DNER: variants seen among roughly 807,000 people sequenced by gnomAD.
DNER encodes the protein delta/notch like EGF repeat containing, also known as delta and Notch-like epidermal growth factor-related receptor.
Under a neutral mutation model 78.2 loss-of-function variants are expected in DNER, and 33 were observed. The ratio of observed to expected loss-of-function variants is 0.42; its 90% CI spans 0.32 to 0.56. DNER has a LOEUF of 0.56. Among genes scored for constraint, DNER ranks in the 20% least tolerant of loss-of-function variants. The pLI, the probability that DNER is intolerant of heterozygous loss-of-function variation, is 0.11. For synonymous variants in DNER, 417 were observed against 384.8 expected, an observed-to-expected ratio of 1.08 and a Z score of -0.98; for missense variants, 918 against 975.3, an observed-to-expected ratio of 0.94 and a Z score of 0.78.
In DNER at chr2:229,508,665, A is replaced by G. The variant is rs192135680; in HGVS notation, c.1147+4118T>C. Among the ~76,000 whole-genome samples, 1,087 of 152,226 alleles carry G rather than the reference A, an allele frequency of 7.1e-3. 17 individuals carry two copies. Among genetic ancestry groups the G allele is most frequent in the African/African-American group, 0.025 (1,039 of 41,526 alleles). On this transcript the variant is annotated intron_variant, in intron 6 of 12. Coordinates refer to ENST00000341772, the MANE Select transcript of DNER (RefSeq NM_139072.4). ...GGGAGGCCGAGACGGGCAGATCACG[A>G]GGTCAGGAGATCGAGACCATCCTGG...
At chr2:229,593,716 AG>A (rs922131930) in intron 1 of DNER, among the ~76,000 whole-genome samples, 22 of 152,220 alleles carry the variant, frequency 1.4e-4, no homozygotes, top group African/African-American at 4.8e-4. Context: ...ATTTATTTTT[AG>A]GAAGGCCTTG....
chr2:229,625,822 G>C (rs957822402), intron 1 of DNER, among the ~76,000 whole-genome samples: 1 of 152,184 alleles, frequency 6.6e-6, no homozygotes, highest in Non-Finnish European at 1.5e-5. Context: ...GGCTAGACTG[G>C]AGGGAGAGTT....
intron 1 of DNER, among the ~76,000 whole-genome samples, chr2:229,648,563 A>C (rs1475399732): frequency 6.6e-6 from 1 of 152,160 alleles, no homozygotes; most frequent in Non-Finnish European, 1.5e-5. Flanking sequence ...TAGCTACTGC[A>C]TTTCTCCTTT....
intron 5 of DNER, among the ~76,000 whole-genome samples, chr2:229,524,843 G>A (rs1215403874): frequency 6.6e-6 from 1 of 152,184 alleles, no homozygotes; most frequent in Non-Finnish European, 1.5e-5. Flanking sequence ...TCTGGGCCAG[G>A]CCGAGGTCAA....
intron 1 of DNER, among the ~76,000 whole-genome samples, chr2:229,656,029 C>CCA (rs1698905948): frequency 6.6e-6 from 1 of 152,072 alleles, no homozygotes; most frequent in African/African-American, 2.4e-5. Flanking sequence ...CTGGCCCCAC[C>CCA]CACACCTTGA....
intron 4 of DNER, among the ~76,000 whole-genome samples, chr2:229,556,139 A>G (rs2154213483): frequency 6.6e-6 from 1 of 152,336 alleles, no homozygotes; most frequent in South Asian, 2.1e-4. Flanking sequence ...ATGTGTAGTT[A>G]AAAATATACA....
chr2:229,632,349 C>T (rs536296464), intron 1 of DNER, among the ~76,000 whole-genome samples: 1 of 152,250 alleles, frequency 6.6e-6, no homozygotes, highest in African/African-American at 2.4e-5. Context: ...TAAATAAACA[C>T]TAACTATAAT....
intron 5 of DNER, among the ~76,000 whole-genome samples, chr2:229,534,120 G>T (rs1021026820): frequency 2.6e-5 from 4 of 152,114 alleles, no homozygotes; most frequent in South Asian, 2.1e-4. Flanking sequence ...CCAATAGATT[G>T]TAATGAAACA....
chr2:229,627,450 G>A lies in DNER; in HGVS notation c.277-35562C>T, dbSNP rs140443751. Among the ~76,000 whole-genome samples, 34 of 152,210 alleles carry A rather than the reference G, an allele frequency of 2.2e-4. No individual in the cohort carries two copies. The East Asian group carries it at 6.5e-3, about 29-fold the overall frequency. ...ATTTTTATAAAAGCTTAACCACTTGGTACCCAACCTTTCTAGACTTCTGGT... is the reference window on the plus strand; with the variant it reads ...ATTTTTATAAAAGCTTAACCACTTGATACCCAACCTTTCTAGACTTCTGGT... On this transcript the variant is annotated intron_variant, in intron 1 of 12. Coordinates refer to ENST00000341772, the MANE Select transcript of DNER (RefSeq NM_139072.4).
At chr2:229,650,085 A>AT (rs1698788206) in intron 1 of DNER, among the ~76,000 whole-genome samples, 1 of 151,744 alleles carries the variant, frequency 6.6e-6, no homozygotes, top group South Asian at 2.1e-4. Context: ...AAAAAAAAAA[A>AT]AAAAAAAGAA....
rs1325796084 is a variant in DNER at position 229,366,911 on chromosome 2, G to A, written c.2064C>T (p.Ser688=). ...TGGATGCAATGGCATTGCTGAACTCGCTGTCGATGCTGCGGCAGTTGTAGA... is the reference window on the plus strand; with the variant it reads ...TGGATGCAATGGCATTGCTGAACTCACTGTCGATGCTGCGGCAGTTGTAGA... The part of the protein sequence containing the change: ...EEFYNCRSID[S]EFSNAIASIR... The change falls in exon 12 of 13, where the codon AGC becomes AGT. Residue 688 remains serine (S), a synonymous_variant. Coordinates refer to ENST00000341772, the MANE Select transcript of DNER (RefSeq NM_139072.4). The A allele has an allele frequency of 1.9e-6, 3 of 1,614,158 alleles. No individual in the cohort carries two copies. The highest frequency in any genetic ancestry group is 1.7e-5 in the Admixed American group (1 of 60,010).
At chr2:229,436,218 G>T (rs559842092) in intron 8 of DNER, among the ~76,000 whole-genome samples, 1 of 152,236 alleles carries the variant, frequency 6.6e-6, no homozygotes, top group Non-Finnish European at 1.5e-5. Context: ...TTCTGTTTCT[G>T]TATTAGTTTG....
intron 1 of DNER, among the ~76,000 whole-genome samples, chr2:229,603,761 C>T (rs957632851): frequency 7.0e-6 from 1 of 143,270 alleles, no homozygotes; most frequent in Non-Finnish European, 1.5e-5. Context: ...CTGTGCTTTG[C>T]AAGTTTGTGC....
At chr2:229,393,541 A>G (rs1425661273) in intron 10 of DNER, among the ~76,000 whole-genome samples, 3 of 151,716 alleles carry the variant, frequency 2.0e-5, no homozygotes, top group Non-Finnish European at 4.4e-5. Flanking sequence ...AGAAAGAAAA[A>G]AGACTTTTTA....
At chr2:229,484,400 C>G (rs190748814) in intron 6 of DNER, among the ~76,000 whole-genome samples, 3 of 152,334 alleles carry the variant, frequency 2.0e-5, no homozygotes, top group Admixed American at 2.0e-4. Flanking sequence ...CCCTTCCTTT[C>G]TAGGCAGACT....
chr2:229,502,637 C>A (rs1553536018), intron 6 of DNER, among the ~76,000 whole-genome samples: 2 of 151,946 alleles, frequency 1.3e-5, no homozygotes, highest in Non-Finnish European at 2.9e-5. Context: ...ATAACAAAAA[C>A]AAAAAACAAG....
At chr2:229,698,096 C>T (rs886692486) in intron 1 of DNER, among the ~76,000 whole-genome samples, 1 of 152,036 alleles carries the variant, frequency 6.6e-6, no homozygotes, top group South Asian at 2.1e-4. Flanking sequence ...CCCAGTTACT[C>T]GGGAGACTGA....
At chr2:229,518,953 C>CTTT (rs11441895) in intron 5 of DNER, among the ~76,000 whole-genome samples, 2 of 145,396 alleles carry the variant, frequency 1.4e-5, no homozygotes, top group African/African-American at 2.5e-5. Context: ...TGCGATTACT[C>CTTT]TTTTTTTTTT....
At chr2:229,646,762 G>A (rs768798493) in intron 1 of DNER, among the ~76,000 whole-genome samples, 10 of 152,246 alleles carry the variant, frequency 6.6e-5, no homozygotes, top group African/African-American at 1.4e-4. Flanking sequence ...CAGGGTCCAC[G>A]GTGAACCAGA....
Sources: gnomAD v4.1 joint callset for allele counts (sites outside exome capture counted in the v4.1 genomes callset) on GRCh38, gnomAD v4.1.1 for gene constraint, MANE v1.5 for transcripts, NCBI Gene and HGNC (gene_info 2026-07-23, HGNC 2026-07-21) for gene names.